RIMKLB: variants seen among roughly 807,000 people sequenced by gnomAD.
RIMKLB encodes beta-citrylglutamate synthase B.
Under a neutral mutation model 32.0 loss-of-function variants are expected in RIMKLB, and 7 were observed. The observed-to-expected ratio is 0.22, with a 90% CI of 0.12 to 0.41. The LOEUF is 0.41. RIMKLB is among the 10% of genes least tolerant of loss of function. The probability of loss-of-function intolerance (pLI) is 1.00; values close to 1 mark genes in which losing one functional copy is unlikely to be tolerated. For missense variants in RIMKLB, 289 were observed against 498.7 expected (o/e 0.58, Z 4.00); for synonymous variants, 172 against 185.1 (o/e 0.93, Z 0.57).
chr12:8,765,518 T>C (rs1187021082), intron 5 of RIMKLB, among the ~76,000 whole-genome samples: 2 of 152,174 alleles, frequency 1.3e-5, no homozygotes, highest in Non-Finnish European at 2.9e-5. Flanking sequence ...CCATGTCAGA[T>C]CAAAGGATTG....
At chr12:8,689,481 G>A (rs1020817194) in intron 1 of RIMKLB, among the ~76,000 whole-genome samples, 2 of 152,174 alleles carry the variant, frequency 1.3e-5, no homozygotes, top group Non-Finnish European at 2.9e-5. Flanking sequence ...ATAATTAATA[G>A]AAATTATATT....
At chr12:8,696,363 T>C (rs773802723), upstream of RIMKLB, among the ~76,000 whole-genome samples, 1 of 152,334 alleles carries the variant, frequency 6.6e-6, no homozygotes, top group Non-Finnish European at 1.5e-5. Context: ...TCCCCTTTGT[T>C]CTCAAGATAG....
chr12:8,722,883 G>A (rs780897498), intron 2 of RIMKLB, among the ~76,000 whole-genome samples: 2 of 152,112 alleles, frequency 1.3e-5, no homozygotes, highest in South Asian at 2.1e-4. Flanking sequence ...CTTCACCTCC[G>A]TCAGCCTTCA....
chr12:8,737,539 T>C (rs749378850), intron 2 of RIMKLB, among the ~76,000 whole-genome samples: 46 of 152,300 alleles, frequency 3.0e-4, no homozygotes, highest in African/African-American at 1.1e-3. Flanking sequence ...TGTGGGGAGA[T>C]TGAGACTGTA....
chr12:8,757,037 C>T (rs1198074998), intron 5 of RIMKLB, among the ~76,000 whole-genome samples: 1 of 152,008 alleles, frequency 6.6e-6, no homozygotes, highest in Non-Finnish European at 1.5e-5. Context: ...CTCTTCATGT[C>T]TCATTTTAAT....
intron 5 of RIMKLB, among the ~76,000 whole-genome samples, chr12:8,772,048 C>T (rs368810453): frequency 1.1e-4 from 16 of 152,196 alleles, no homozygotes; most frequent in African/African-American, 2.4e-4. Flanking sequence ...GCCACCACAC[C>T]GGGCTAATTT....
chr12:8,676,155 C>G, the RIMKLB span, among the ~76,000 whole-genome samples: 1 of 151,962 alleles, frequency 6.6e-6, no homozygotes, highest in Non-Finnish European at 1.5e-5. Context: ...TCACTGCAGC[C>G]TCGACCTCCT....
chr12:8,745,786 G>A (rs1407494875), intron 2 of RIMKLB, among the ~76,000 whole-genome samples: 3 of 147,950 alleles, frequency 2.0e-5, no homozygotes, highest in African/African-American at 5.1e-5. Flanking sequence ...CCTCTGCCTC[G>A]TAGGTACAAG....
chr12:8,675,852 A>C, the RIMKLB span, among the ~76,000 whole-genome samples: 1 of 151,306 alleles, frequency 6.6e-6, no homozygotes, highest in Non-Finnish European at 1.5e-5. Flanking sequence ...CATCTGGTCT[A>C]AGCAAGGCAG....
Position 8,754,099 on chromosome 12 carries a change from A to G in RIMKLB, c.697+6A>G. ...GCAAAGCAACTGCTCATTAGGTAAA[A>G]ATAATGCAATTATCTTTCTAGTATA... is the stretch of plus-strand genomic sequence containing the variant. On this transcript the variant is annotated splice_donor_region_variant and intron_variant, in intron 5 of 5. Transcript: ENST00000535829. The G allele has an allele frequency of 6.3e-7, 1 of 1,587,362 alleles. No homozygotes were observed. The highest frequency in any genetic ancestry group is 8.7e-7 in the Non-Finnish European group (1 of 1,155,544).
intron 5 of RIMKLB, among the ~76,000 whole-genome samples, chr12:8,763,906 T>C (rs1399788153): frequency 6.6e-6 from 1 of 152,130 alleles, no homozygotes; most frequent in Non-Finnish European, 1.5e-5. Context: ...AAACAAAAAT[T>C]GACAGGATGT....
At chr12:8,778,021 T>G (rs778608596), downstream of RIMKLB, among the ~76,000 whole-genome samples, 28 of 152,336 alleles carry the variant, frequency 1.8e-4, no homozygotes, top group Non-Finnish European at 2.8e-4. Context: ...GAATTTTGTT[T>G]AGCCATTTAG....
chr12:8,717,006 C>G (rs1944921725), intron 2 of RIMKLB, among the ~76,000 whole-genome samples: 1 of 147,970 alleles, frequency 6.8e-6, no homozygotes. Flanking sequence ...ATTTTTCAGA[C>G]TTTTTGTTGA....
chr12:8,762,611 T>C (rs1187534972), intron 5 of RIMKLB, among the ~76,000 whole-genome samples: 1 of 152,228 alleles, frequency 6.6e-6, no homozygotes, highest in Non-Finnish European at 1.5e-5. Context: ...GGAATTCCCT[T>C]TCTCTCCATA....
At chr12:8,686,683 C>G (rs893439288) in intron 1 of RIMKLB, among the ~76,000 whole-genome samples, 2 of 151,922 alleles carry the variant, frequency 1.3e-5, no homozygotes, top group Non-Finnish European at 2.9e-5. Flanking sequence ...GGGGTTTCAC[C>G]GTGTTATCCA....
chr12:8,761,608 C>T (rs1006721910), intron 5 of RIMKLB, among the ~76,000 whole-genome samples: 2 of 152,074 alleles, frequency 1.3e-5, no homozygotes, highest in African/African-American at 4.8e-5. Context: ...TTTTAGTGAG[C>T]CCTGTTTACT....
intron 2 of RIMKLB, among the ~76,000 whole-genome samples, chr12:8,740,848 A>G (rs11047004): frequency 0.033 from 5,014 of 152,242 alleles, 279 homozygotes; most frequent in African/African-American, 0.11. Flanking sequence ...TGAGGTGGGC[A>G]GATCACTTGA....
chr12:8,774,031 C>A lies in RIMKLB; in HGVS notation c.*247C>A, dbSNP rs1324172561. On this transcript the variant is annotated 3_prime_UTR_variant, in exon 6 of 6. Coordinates refer to ENST00000535829, the MANE Select transcript of RIMKLB (RefSeq NM_001297776.2). ...GAAAAATGTCAGGCTCTCATAGTTA[C>A]CCTTTTAAATTGCTAAAAAATGTGT... The A allele has an allele frequency of 3.1e-6, 4 of 1,287,562 alleles. No individual in the cohort carries two copies. In the East Asian group the frequency reaches 1.2e-4, roughly 38 times the overall value. The allele number at this position is 1,287,562 out of a possible 1,614,324, so 79.8% of individuals were successfully genotyped here. A position where few individuals can be genotyped will look rare whatever the true frequency, so the allele number is the denominator to read the frequency against.
chr12:8,702,987 C>G (rs1214498839), intron 1 of RIMKLB, among the ~76,000 whole-genome samples: 8 of 152,144 alleles, frequency 5.3e-5, no homozygotes, highest in African/African-American at 1.9e-4. Context: ...TAAGTGAAAT[C>G]ATTAGAAATG....
Sources: allele counts gnomAD v4.1 joint callset (sites outside exome capture counted in the v4.1 genomes callset), GRCh38; gene constraint gnomAD v4.1.1; transcripts MANE v1.5; gene names NCBI Gene and HGNC (gene_info 2026-07-23, HGNC 2026-07-21).